The following MACF1 variants were observed in gnomAD, a reference collection of about 807,000 sequenced individuals.
MACF1 encodes the protein microtubule-actin cross-linking factor 1.
A neutral mutation model predicts 854.8 loss-of-function variants in MACF1; 193 were observed. The ratio of observed to expected loss-of-function variants is 0.23; its 90% CI spans 0.20 to 0.25. The LOEUF is 0.25. Ranked by LOEUF, MACF1 falls within the 10% of genes least tolerant of loss-of-function variation. The probability of loss-of-function intolerance (pLI) is 1.00; values close to 1 mark genes in which losing one functional copy is unlikely to be tolerated. For synonymous variants in MACF1, 3,185 were observed against 3,226.7 expected (o/e 0.99, Z 0.44); for missense variants, 7,722 against 8,929.1 (o/e 0.86, Z 5.45).
chr1:39,423,908 C>G, intron 60 of MACF1, 120 bp from the exon 61 acceptor site: 2 of 797,584 alleles, frequency 2.5e-6, no homozygotes, highest in Non-Finnish European at 3.9e-6. Flanking sequence ...ATGAAAAAAA[C>G]TTCTTTTACT....
At chr1:39,362,997 T>C (rs182108330) in intron 49 of MACF1, among the ~76,000 whole-genome samples, 2 of 152,320 alleles carry the variant, frequency 1.3e-5, no homozygotes, top group Non-Finnish European at 2.9e-5. Flanking sequence ...ACAATAAATA[T>C]AAGATAGTTT....
At chr1:39,091,479 C>T (rs1557446362) in intron 2 of MACF1, among the ~76,000 whole-genome samples, 1 of 152,100 alleles carries the variant, frequency 6.6e-6, no homozygotes, top group Non-Finnish European at 1.5e-5. Context: ...TGGCCCAGTA[C>T]CTGCTATATA....
intron 70 of MACF1, 26 bp downstream of exon 70, chr1:39,435,787 C>T (rs748507684): frequency 3.6e-5 from 57 of 1,605,218 alleles, no homozygotes; most frequent in Non-Finnish European, 4.8e-5. Flanking sequence ...ACACTCATAA[C>T]CTTGAATTGT....
Position 39,317,222 on chromosome 1 carries a change from T to G in MACF1, c.3597T>G (p.Leu1199=). 6.2e-7 allele frequency: 1 copy of G among 1,613,722 alleles called. No individual in the cohort carries two copies. Among genetic ancestry groups the G allele is most frequent in the East Asian group, 2.2e-5 (1 of 44,866 alleles). ...TACTTATGTTTCCACAGCACTGGCTTAGTGATGTGAAGGACAAGAATTCAG... is the reference window on the plus strand; with the variant it reads ...TACTTATGTTTCCACAGCACTGGCTGAGTGATGTGAAGGACAAGAATTCAG... The part of the protein sequence containing the change: ...EAHWSTLRHW[L]SDVKDKNSVF... Residue 1199 remains leucine (L), a synonymous_variant, in exon 29 of 101, where the codon CTT becomes CTG. Transcript: ENST00000564288.
At chr1:39,439,559 T>C in intron 72 of MACF1, 59 bp downstream of exon 72, 1 of 1,385,842 alleles carries the variant, frequency 7.2e-7, no homozygotes, top group East Asian at 2.3e-5. Context: ...AAGCACTTTA[T>C]CAAATCAAAG....
intron 29 of MACF1, among the ~76,000 whole-genome samples, chr1:39,317,699 C>G (rs1215342889): frequency 1.3e-5 from 2 of 152,196 alleles, no homozygotes; most frequent in African/African-American, 4.8e-5. Flanking sequence ...TTCTCAAGGA[C>G]AAAACCTATA....
At chr1:39,253,892 T>C (rs1357016976) in intron 4 of MACF1, among the ~76,000 whole-genome samples, 2 of 152,208 alleles carry the variant, frequency 1.3e-5, no homozygotes, top group Admixed American at 1.3e-4. Flanking sequence ...CAATATGTAA[T>C]TAGGACTTTC....
chr1:39,159,318 G>C (rs990923456), intron 2 of MACF1, among the ~76,000 whole-genome samples: 1 of 152,238 alleles, frequency 6.6e-6, no homozygotes, highest in Non-Finnish European at 1.5e-5. Context: ...TTTCTTTGAG[G>C]TGGCCAGACA....
At chr1:39,375,367 T>G (rs1176537313) in intron 52 of MACF1, among the ~76,000 whole-genome samples, 3 of 151,864 alleles carry the variant, frequency 2.0e-5, no homozygotes, top group Non-Finnish European at 4.4e-5. Context: ...AGTGGCACGA[T>G]CTCGGCTCAC....
intron 58 of MACF1, among the ~76,000 whole-genome samples, chr1:39,403,078 GTTGTTTTGTTTTGTT>G (rs57125297): frequency 0.038 from 5,527 of 145,826 alleles, 324 homozygotes; most frequent in African/African-American, 0.13. Flanking sequence ...TTTTTGTTTG[GTTGTTTTGTTTTGTT>G]TTGTTTTGTT....
chr1:39,276,302 A>G (rs928680), intron 6 of MACF1, among the ~76,000 whole-genome samples: 4,693 of 152,170 alleles, frequency 0.031, 233 homozygotes, highest in African/African-American at 0.11. Flanking sequence ...TGAGGACATA[A>G]TAATCAAGTA....
At chr1:39,457,613 G>A (rs1383957193) in intron 89 of MACF1, 7 of 152,556 alleles carry the variant, frequency 4.6e-5, no homozygotes, top group Admixed American at 4.6e-4. Context: ...TGACACAGAA[G>A]CCTTTCGTGA....
rs779804770 is a variant in MACF1 at position 39,360,830 on chromosome 1, C to A, written c.12282C>A (p.Ser4094Arg). ...ILSHFQSLSY[S>R]LAERSSLLQK... ...GCCACTTCCAAAGCCTCTCCTATAG[C>A]CTGGCTGAGCGATCTTCTCTGCTGC... is the stretch of plus-strand genomic sequence containing the variant. Residue 4094 changes from serine to arginine, a missense_variant, in exon 48 of 101, where the codon AGC (serine) becomes AGA (arginine). Ser to Arg is a moderately radical substitution (Grantham distance 110). This residue lies in a region of MACF1 where 2,807 missense variants were observed against 3,235.8 expected (regional missense o/e 0.87). Coordinates refer to ENST00000564288, the MANE Select transcript of MACF1 (RefSeq NM_001394062.1). The A allele has an allele frequency of 6.2e-7, 1 of 1,614,048 alleles. No homozygotes were observed. The highest frequency in any genetic ancestry group is 1.3e-5 in the African/African-American group (1 of 74,994).
chr1:39,345,810 G>A (rs1310053556), intron 40 of MACF1, among the ~76,000 whole-genome samples: 1 of 152,126 alleles, frequency 6.6e-6, no homozygotes, highest in East Asian at 1.9e-4. Context: ...GCTCACGCCT[G>A]TAATCTCAGC....
intron 2 of MACF1, among the ~76,000 whole-genome samples, chr1:39,164,236 T>A (rs911730804): frequency 2.6e-5 from 4 of 152,382 alleles, no homozygotes; most frequent in Non-Finnish European, 5.9e-5. Flanking sequence ...TTTTTAAGGA[T>A]GGATTTCCAC....
chr1:39,221,094 T>C (rs1057418093), intron 1 of MACF1, among the ~76,000 whole-genome samples: 1 of 152,096 alleles, frequency 6.6e-6, no homozygotes, highest in African/African-American at 2.4e-5. Flanking sequence ...GAAAGGTATG[T>C]TTGGAAACAG....
At position 39,406,650 on chromosome 1, in the gene MACF1, G is replaced by A. The variant is rs1187124035; in HGVS notation, c.15817-15724G>A. 2.0e-5 allele frequency among the ~76,000 whole-genome samples: 3 copies of A among 146,466 alleles called. No homozygotes were observed. The Admixed American group carries it at 2.2e-4, about 11-fold the overall frequency. The stretch of plus-strand genomic sequence containing the variant: ...TTGGGGAGGCTGAGGCAGGAGAATC[G>A]CTTGAACCCAGGAGGCAAAGATTGC... On this transcript the variant is annotated intron_variant, in intron 58 of 100. Transcript: ENST00000564288.
chr1:39,282,648 G>A (rs1241454301), intron 7 of MACF1, among the ~76,000 whole-genome samples: 1 of 152,194 alleles, frequency 6.6e-6, no homozygotes, highest in African/African-American at 2.4e-5. Flanking sequence ...AAATGCAATG[G>A]CAGGATTAGA....
intron 6 of MACF1, among the ~76,000 whole-genome samples, chr1:39,279,138 C>A (rs778007451): frequency 7.9e-5 from 12 of 152,102 alleles, no homozygotes; most frequent in Non-Finnish European, 1.6e-4. Context: ...TAGCTGGCAT[C>A]ATCAAAGTAG....
Sources: allele counts gnomAD v4.1 joint callset (sites outside exome capture counted in the v4.1 genomes callset), GRCh38; gene constraint gnomAD v4.1.1; regional missense constraint gnomAD v4.1.1; transcripts MANE v1.5; gene names NCBI Gene and HGNC (gene_info 2026-07-23, HGNC 2026-07-21).